Variants in FAM185A observed in about 807,000 individuals in gnomAD.
FAM185A encodes the protein protein FAM185A.
FAM185A carries 21 observed loss-of-function variants against 45.7 expected under a neutral mutation model. That is an observed-to-expected ratio of 0.46 (90% CI 0.33 to 0.66). FAM185A has a LOEUF of 0.66. Ranked by LOEUF, FAM185A falls within the 30% of genes least tolerant of loss-of-function variation. FAM185A has a pLI of 0.03. For synonymous variants in FAM185A, 117 were observed against 194.0 expected (o/e 0.60, Z 3.30); for missense variants, 305 against 485.4 (o/e 0.63, Z 3.49).
chr7:102,803,489 T>G (rs1024666129), intron 7 of FAM185A, among the ~76,000 whole-genome samples: 4 of 152,222 alleles, frequency 2.6e-5, no homozygotes, highest in Non-Finnish European at 4.4e-5. Context: ...CATCTCTTTA[T>G]GATTAAAACT....
At chr7:102,828,827 G>A in the FAM185A span, among the ~76,000 whole-genome samples, 1 of 152,148 alleles carries the variant, frequency 6.6e-6, no homozygotes, top group African/African-American at 2.4e-5. Flanking sequence ...CTGAGCCTGG[G>A]GCCTTAGGGG....
the FAM185A span, chr7:102,832,692 C>T: frequency 1.0e-6 from 1 of 960,116 alleles, no homozygotes; most frequent in Non-Finnish European, 1.4e-6. Context: ...TAAGCTATTT[C>T]CAATTTGAGG....
intron 7 of FAM185A, among the ~76,000 whole-genome samples, chr7:102,804,508 C>G (rs905032693): frequency 2.0e-5 from 3 of 152,066 alleles, no homozygotes; most frequent in African/African-American, 7.2e-5. Context: ...GGATCCTCAT[C>G]TCTCACCTTA....
At chr7:102,833,116 A>G in the FAM185A span, 3 of 840,584 alleles carry the variant, frequency 3.6e-6, no homozygotes, top group African/African-American at 1.7e-5. Flanking sequence ...AATTTAAAAA[A>G]CCCATGTTAC....
the FAM185A span, among the ~76,000 whole-genome samples, chr7:102,836,801 A>G: frequency 6.7e-6 from 1 of 148,158 alleles, no homozygotes; most frequent in Non-Finnish European, 1.5e-5. Context: ...GACTGTCACA[A>G]TAATGTGCTT....
At chr7:102,805,833 T>G (rs923505427) in intron 7 of FAM185A, among the ~76,000 whole-genome samples, 1 of 152,190 alleles carries the variant, frequency 6.6e-6, no homozygotes, top group African/African-American at 2.4e-5. Flanking sequence ...TATAGGTGGA[T>G]TTAAAGATTT....
chr7:102,790,434 C>T (rs1223811115), intron 7 of FAM185A, among the ~76,000 whole-genome samples: 1 of 152,158 alleles, frequency 6.6e-6, no homozygotes, highest in Non-Finnish European at 1.5e-5. Flanking sequence ...TGAGAATCAA[C>T]TTGTGATCTA....
intron 3 of FAM185A, among the ~76,000 whole-genome samples, chr7:102,760,786 A>G (rs1288922088): frequency 6.6e-6 from 1 of 152,178 alleles, no homozygotes; most frequent in Non-Finnish European, 1.5e-5. Context: ...TATTAATATA[A>G]GGATTGGAAG....
At chr7:102,774,928 C>T (rs1367818797) in intron 5 of FAM185A, among the ~76,000 whole-genome samples, 1 of 152,088 alleles carries the variant, frequency 6.6e-6, no homozygotes, top group Non-Finnish European at 1.5e-5. Flanking sequence ...ATCATTTACT[C>T]AGTGCCCATG....
the FAM185A span, among the ~76,000 whole-genome samples, chr7:102,821,597 G>C: frequency 6.6e-6 from 1 of 152,130 alleles, no homozygotes; most frequent in African/African-American, 2.4e-5. Flanking sequence ...GTCAGGGAAT[G>C]GTCAAGGATT....
chr7:102,799,730 G>A (rs1039850211), intron 7 of FAM185A, among the ~76,000 whole-genome samples: 2 of 152,166 alleles, frequency 1.3e-5, no homozygotes, highest in African/African-American at 4.8e-5. Flanking sequence ...AGCAAGAGAA[G>A]GGAAAGTGTT....
intron 1 of FAM185A, among the ~76,000 whole-genome samples, chr7:102,751,255 A>G (rs1793343740): frequency 6.6e-6 from 1 of 152,144 alleles, no homozygotes; most frequent in Admixed American, 6.6e-5. Flanking sequence ...GCTTTTTCAA[A>G]GTTGTTCCCA....
intron 6 of FAM185A, 151 bp from the exon 7 acceptor site, chr7:102,787,184 G>C: frequency 1.1e-6 from 1 of 901,912 alleles, no homozygotes; most frequent in Non-Finnish European, 1.5e-6. Context: ...TTGGGCACCT[G>C]GGAATAAGGA....
intron 7 of FAM185A, among the ~76,000 whole-genome samples, chr7:102,796,222 A>G (rs923242514): frequency 6.6e-6 from 1 of 152,096 alleles, no homozygotes; most frequent in Non-Finnish European, 1.5e-5. Context: ...GGGCCACAAG[A>G]CCAGATGAGC....
chr7:102,812,075 A>G (rs1038411058), downstream of FAM185A, among the ~76,000 whole-genome samples: 9 of 152,224 alleles, frequency 5.9e-5, no homozygotes, highest in Admixed American at 2.6e-4. Flanking sequence ...CACGTGAGAG[A>G]TAAGTAATTG....
intron 7 of FAM185A, among the ~76,000 whole-genome samples, chr7:102,787,757 A>G (rs1249580263): frequency 1.3e-5 from 2 of 152,256 alleles, no homozygotes; most frequent in Non-Finnish European, 2.9e-5. Context: ...ACTTAAAAAT[A>G]AACTGAATAC....
chr7:102,808,324 G>C lies in FAM185A; in HGVS notation c.1101G>C (p.Trp367Cys). The C allele has an allele frequency of 1.3e-6, 2 of 1,551,840 alleles. No individual in the cohort carries two copies. The highest frequency in any genetic ancestry group is 1.7e-4 in the Middle Eastern group (1 of 5,994). Residue 367 changes from tryptophan to cysteine, a missense_variant, in exon 8 of 8, where the codon TGG becomes TGC. Physicochemically the swap from Trp to Cys is radical, Grantham distance 215 (BLOSUM62 -2). Around this residue, in one of 5 missense-constraint regions of FAM185A, gnomAD observed 66 missense variants for 74.6 expected, o/e 0.89. Coordinates refer to ENST00000413034, the MANE Select transcript of FAM185A (RefSeq NM_001145268.2). ...ATCAAGCAAGCAAACGTGAAAAATG[G>C]ATTAAGGCTGATGCCCCAAAAGGCA... ...LMNQASKREKWIKADAPKGTV... is the reference protein window; with the variant it reads ...LMNQASKREKCIKADAPKGTV...
At chr7:102,822,462 A>G in the FAM185A span, 3 of 598,636 alleles carry the variant, frequency 5.0e-6, no homozygotes, top group Middle Eastern at 2.6e-4. Flanking sequence ...GCAGAGAGAG[A>G]GAGAGCTCTA....
downstream of FAM185A, among the ~76,000 whole-genome samples, chr7:102,810,257 G>A (rs144429363): frequency 5.9e-4 from 90 of 152,288 alleles, no homozygotes; most frequent in African/African-American, 2.1e-3. Flanking sequence ...TTTTGAGACA[G>A]GGTCTTGCTC....
Sources: allele counts gnomAD v4.1 joint callset (sites outside exome capture counted in the v4.1 genomes callset), GRCh38; gene constraint gnomAD v4.1.1; regional missense constraint gnomAD v4.1.1; transcripts MANE v1.5; gene names NCBI Gene and HGNC (gene_info 2026-07-23, HGNC 2026-07-21).